The following TSHR variants were observed in gnomAD, a reference collection of about 807,000 sequenced individuals.
The protein encoded by TSHR is thyrotropin receptor.
In TSHR, 51 loss-of-function variants were observed where a neutral mutation model predicts 64.1. That is an observed-to-expected ratio of 0.80 (90% CI 0.64 to 1.01). The LOEUF (loss-of-function observed/expected upper bound fraction) is 1.01, where lower values mean the gene tolerates loss of function less well. Ranked by LOEUF, TSHR falls within the 50% of genes least tolerant of loss-of-function variation. TSHR has a pLI of 0.00. For missense variants in TSHR, 877 were observed against 942.8 expected (o/e 0.93, Z 0.91); for synonymous variants, 361 against 361.9 (o/e 1.00, Z 0.03).
intron 8 of TSHR, among the ~76,000 whole-genome samples, chr14:81,125,818 GGAGCC>G (rs1163991986): frequency 1.3e-5 from 2 of 151,964 alleles, no homozygotes; most frequent in African/African-American, 4.8e-5. Flanking sequence ...CCATGCCAAA[GGAGCC>G]GAGTTGTTGG....
At position 81,047,664 on chromosome 14, in the gene TSHR, C is replaced by CTTT. The variant is rs11462189; in HGVS notation, c.171-14469_171-14467dup. Among the ~76,000 whole-genome samples the CTTT allele has an allele frequency of 1.0e-3, 141 of 135,462 alleles. 5 individuals are homozygous for CTTT. Among genetic ancestry groups the CTTT allele is most frequent in the South Asian group, 2.3e-3 (10 of 4,298 alleles). 88.9% of individuals were successfully genotyped at this position (135,462 alleles called of 152,430 possible). A position where few individuals can be genotyped will look rare whatever the true frequency, so the allele number is the denominator to read the frequency against. On this transcript the variant is annotated intron_variant, in intron 1 of 9. Transcript: ENST00000298171. ...GATGACACATGTTTGTTCATTGGCT[C>CTTT]TTTTTTTTTTTTTTTTTGAGACAGT... is the stretch of plus-strand genomic sequence containing the variant.
rs542965163 is a variant in TSHR, at chr14:81,029,792, T to C, written c.171-32356T>C. ...TTCTTAAAAAAATATACCCATGGAT[T>C]CTGTATCCTTGCCAGTTGTCTATTA... On this transcript the variant is annotated intron_variant, in intron 1 of 9. Coordinates refer to ENST00000298171, the MANE Select transcript of TSHR (RefSeq NM_000369.5). 3.9e-5 allele frequency among the ~76,000 whole-genome samples: 6 copies of C among 152,298 alleles called. No individual in the cohort carries two copies. In the South Asian group the frequency reaches 6.2e-4, roughly 16 times the overall value.
chr14:81,140,595 ATT>A (rs1236527369), intron 9 of TSHR, among the ~76,000 whole-genome samples: 1 of 152,140 alleles, frequency 6.6e-6, no homozygotes, highest in African/African-American at 2.4e-5. Flanking sequence ...AATTGCCTTC[ATT>A]TTCTCTCCAG....
intron 1 of TSHR, among the ~76,000 whole-genome samples, chr14:81,046,662 A>G (rs1386544658): frequency 1.3e-5 from 2 of 152,136 alleles, no homozygotes; most frequent in African/African-American, 2.4e-5. Context: ...CAATAATCAT[A>G]TATTTTCCAA....
rs569731277 is a variant in TSHR, at chr14:81,107,648, T to C, written c.615-727T>C. ...CAATGTGCCCACCAAACCTCTTCCA[T>C]GGAAGGTTGATGAGATTACTCTGTA... On this transcript the variant is annotated intron_variant, in intron 7 of 9. Coordinates refer to ENST00000298171, the MANE Select transcript of TSHR (RefSeq NM_000369.5). Among the ~76,000 whole-genome samples the C allele has an allele frequency of 5.3e-5, 8 of 152,238 alleles. No homozygotes were observed. In the South Asian group the frequency reaches 1.2e-3, roughly 24 times the overall value.
intron 1 of TSHR, among the ~76,000 whole-genome samples, chr14:81,023,662 G>T (rs1345145635): frequency 1.3e-5 from 2 of 152,142 alleles, no homozygotes; most frequent in Middle Eastern, 6.3e-3. Flanking sequence ...AAGCATAAAT[G>T]GAGTCAATCC....
chr14:81,086,388 T>C (rs751918841), intron 3 of TSHR, among the ~76,000 whole-genome samples: 26 of 152,192 alleles, frequency 1.7e-4, no homozygotes, highest in Non-Finnish European at 3.5e-4. Context: ...TCAGTGTCCT[T>C]AGTTGAAATG....
At chr14:81,010,348 T>C (rs1444401510) in intron 1 of TSHR, among the ~76,000 whole-genome samples, 1 of 152,088 alleles carries the variant, frequency 6.6e-6, no homozygotes, top group Non-Finnish European at 1.5e-5. Context: ...TTTTATTCTA[T>C]AGATAATTTA....
chr14:81,008,318 G>A (rs971800158), intron 1 of TSHR, among the ~76,000 whole-genome samples: 5 of 151,880 alleles, frequency 3.3e-5, no homozygotes, highest in South Asian at 2.1e-4. Flanking sequence ...GACTACAGGC[G>A]CCCCCCACCA....
At chr14:81,031,959 T>C (rs61978724) in intron 1 of TSHR, among the ~76,000 whole-genome samples, 37,193 of 152,114 alleles carry the variant, frequency 0.24, 4,672 homozygotes, top group South Asian at 0.33. Context: ...ACCAGATGCA[T>C]AGGTATCAAC....
chr14:81,080,117 T>C (rs1366715575), intron 3 of TSHR, among the ~76,000 whole-genome samples: 2 of 152,060 alleles, frequency 1.3e-5, no homozygotes, highest in Non-Finnish European at 2.9e-5. Context: ...CATGCCCAGC[T>C]AATTTTTTGT....
intron 8 of TSHR, among the ~76,000 whole-genome samples, chr14:81,112,262 A>G (rs112695312): frequency 2.6e-5 from 4 of 152,298 alleles, no homozygotes; most frequent in African/African-American, 9.6e-5. Context: ...ATATATCCTC[A>G]ATAATGTTAG....
At position 81,143,636 on chromosome 14, in the gene TSHR, C is replaced by T; in HGVS notation, c.1578C>T (p.Ala526=). The change falls in exon 10 of 10, where the codon GCC becomes GCT. Residue 526 remains alanine (A), a synonymous_variant. Transcript: ENST00000298171. ...TLERWYAITF[A]MRLDRKIRLR... is the part of the protein sequence containing the mutation. ...AGCGCTGGTATGCCATCACCTTCGC[C>T]ATGCGCCTGGACCGGAAGATCCGCC... 6.2e-7 allele frequency: 1 copy of T among 1,614,098 alleles called. No homozygotes were observed. The highest frequency in any genetic ancestry group is 8.5e-7 in the Non-Finnish European group (1 of 1,180,028).
intron 3 of TSHR, among the ~76,000 whole-genome samples, chr14:81,073,958 T>A (rs1220516594): frequency 6.6e-6 from 1 of 152,100 alleles, no homozygotes; most frequent in Non-Finnish European, 1.5e-5. Flanking sequence ...ATAAAAGCAA[T>A]TAATTTGTAG....
At chr14:80,981,331 T>C (rs1888155562) in intron 1 of TSHR, among the ~76,000 whole-genome samples, 1 of 152,162 alleles carries the variant, frequency 6.6e-6, no homozygotes, top group Non-Finnish European at 1.5e-5. Flanking sequence ...AAGAAGGTTT[T>C]TTTAAAAATA....
chr14:80,973,550 G>C (rs1892498048), intron 1 of TSHR, among the ~76,000 whole-genome samples: 1 of 152,022 alleles, frequency 6.6e-6, no homozygotes, highest in Non-Finnish European at 1.5e-5. Context: ...GGAACACTAT[G>C]CATTTATCCC....
At chr14:81,142,580 C>A (rs1307555640) in intron 9 of TSHR, among the ~76,000 whole-genome samples, 1 of 150,380 alleles carries the variant, frequency 6.6e-6, no homozygotes, top group Non-Finnish European at 1.5e-5. Flanking sequence ...AATGTGGGAA[C>A]CATTCGTGGG....
intron 8 of TSHR, 144 bp from the exon 9 acceptor site, chr14:81,139,535 C>A: frequency 2.3e-6 from 2 of 865,232 alleles, no homozygotes; most frequent in Non-Finnish European, 3.8e-6. Context: ...CTCCTTAGAC[C>A]AGAAGCTCAG....
At position 81,112,799 on chromosome 14, in the gene TSHR, G is replaced by C. The variant is rs79307182; in HGVS notation, c.692+4347G>C. ...CAAGCCTGGGGACAATCTGAAGAAA[G>C]AGCATTTTAGACAAGTGCAAAGACC... is the stretch of plus-strand genomic sequence containing the variant. On this transcript the variant is annotated intron_variant, in intron 8 of 9. Transcript: ENST00000298171. Among the ~76,000 whole-genome samples the C allele has an allele frequency of 0.011, 1,621 of 152,304 alleles. 88 individuals are homozygous for C. The East Asian group carries it at 0.14, about 13-fold the overall frequency.
Sources: gnomAD v4.1 joint callset for allele counts (sites outside exome capture counted in the v4.1 genomes callset) on GRCh38, gnomAD v4.1.1 for gene constraint, MANE v1.5 for transcripts, NCBI Gene and HGNC (gene_info 2026-07-23, HGNC 2026-07-21) for gene names.